The following PPP1CC variants were observed in gnomAD, a reference collection of about 807,000 sequenced individuals.
The protein encoded by PPP1CC is protein phosphatase 1 catalytic subunit gamma.
PPP1CC carries 16 observed loss-of-function variants against 38.4 expected under a neutral mutation model. The observed-to-expected ratio is 0.42, with a 90% confidence interval of 0.28 to 0.63. PPP1CC has a LOEUF of 0.63. Among genes scored for constraint, PPP1CC ranks in the 30% least tolerant of loss-of-function variants. PPP1CC has a pLI of 0.25. For synonymous variants in PPP1CC, 158 were observed against 136.0 expected (o/e 1.16, Z -1.13); for missense variants, 170 against 391.3 (o/e 0.43, Z 4.77).
chr12:110,729,725 T>C (rs995965662), intron 3 of PPP1CC, among the ~76,000 whole-genome samples: 4 of 152,214 alleles, frequency 2.6e-5, no homozygotes, highest in African/African-American at 9.7e-5. Flanking sequence ...CAAGATTCCA[T>C]TTGCATGCAA....
chr12:110,720,602 T>C lies in PPP1CC; in HGVS notation c.*474A>G, dbSNP rs1235985073. 1 of 196,816 alleles carries C rather than the reference T, an allele frequency of 5.1e-6. No individual in the cohort carries two copies. The highest frequency in any genetic ancestry group is 1.4e-4 in the East Asian group (1 of 7,216). 12.2% of individuals were successfully genotyped at this position (196,816 alleles called of 1,614,324 possible). A position where few individuals can be genotyped will look rare whatever the true frequency, so the allele number is the denominator to read the frequency against. ...ACAAGACAATGAGAGGAAAAAGCAA[T>C]CCCTTTGAAACAAAATTCTCAAATA... On this transcript the variant is annotated 3_prime_UTR_variant, in exon 7 of 7. Coordinates refer to ENST00000335007, the MANE Select transcript of PPP1CC (RefSeq NM_002710.4).
chr12:110,725,751 T>C (rs2069791186), intron 3 of PPP1CC: 1 of 152,268 alleles, frequency 6.6e-6, no homozygotes, highest in South Asian at 2.1e-4. Flanking sequence ...CTTACTATAC[T>C]AAGCACAATC....
chr12:110,716,933 C>T (rs776118552), downstream of PPP1CC, among the ~76,000 whole-genome samples: 16 of 152,192 alleles, frequency 1.1e-4, no homozygotes, highest in Non-Finnish European at 2.4e-4. Flanking sequence ...CTATTTGAGT[C>T]GTAGGCTGAA....
rs751415882 is a variant in PPP1CC, at chr12:110,722,749, C to G, written c.524-54G>C. Reference sequence around the variant, plus strand: ...AGAAAGCAGAACTTTTAAAAGGATACTACCCCTTCAAAAGTTCCATTTGTC... The same window carrying G: ...AGAAAGCAGAACTTTTAAAAGGATAGTACCCCTTCAAAAGTTCCATTTGTC... On this transcript the variant is annotated intron_variant, in intron 4 of 6. Coordinates refer to ENST00000335007, the MANE Select transcript of PPP1CC (RefSeq NM_002710.4). This position sits in a 1 kb window ranked among gnomAD's most constrained non-coding sequence, Gnocchi z 5.4. The G allele has an allele frequency of 6.2e-5, 84 of 1,361,602 alleles. 1 individual carries two copies. The highest frequency in any genetic ancestry group is 5.6e-4 in the Middle Eastern group (3 of 5,404). The allele number at this position is 1,361,602 out of a possible 1,614,324, so 84.3% of individuals were successfully genotyped here.
rs11558236 is a variant in PPP1CC, at chr12:110,720,423, A to G, written c.*653T>C. Reference sequence around the variant, plus strand: ...ATTCAACAGAAACTTTGGCTTTAGGAAAGAGTCACAAATATTTAAAAGAAT... The same window carrying G: ...ATTCAACAGAAACTTTGGCTTTAGGGAAGAGTCACAAATATTTAAAAGAAT... On this transcript the variant is annotated 3_prime_UTR_variant, in exon 7 of 7. Transcript: ENST00000335007. The G allele has an allele frequency of 6.9e-4, 329 of 476,778 alleles. No individual in the cohort carries two copies. The highest frequency in any genetic ancestry group is 2.2e-3 in the Middle Eastern group (4 of 1,798). The allele number at this position is 476,778 out of a possible 1,614,324, so 29.5% of individuals were successfully genotyped here. A position where few individuals can be genotyped will look rare whatever the true frequency, so the allele number is the denominator to read the frequency against.
chr12:110,728,639 T>C (rs536711499), intron 3 of PPP1CC, among the ~76,000 whole-genome samples: 8 of 152,326 alleles, frequency 5.3e-5, no homozygotes, highest in African/African-American at 1.9e-4. Flanking sequence ...CACACCTGCC[T>C]TGCATTTCAC....
intron 1 of PPP1CC, among the ~76,000 whole-genome samples, chr12:110,737,046 T>C (rs1347485333): frequency 2.0e-5 from 3 of 152,218 alleles, no homozygotes; most frequent in Non-Finnish European, 2.9e-5. Flanking sequence ...GTGAAATCAA[T>C]AGCCTCATGA....
At chr12:110,739,471 G>A (rs2069987580) in intron 1 of PPP1CC, among the ~76,000 whole-genome samples, 1 of 151,668 alleles carries the variant, frequency 6.6e-6, no homozygotes, top group African/African-American at 2.4e-5. Flanking sequence ...GAATATGAAC[G>A]TTTTATACTG....
In PPP1CC at chr12:110,721,084, T is replaced by C. The variant is rs11558239; in HGVS notation, c.964A>G (p.Lys322Glu). 3 of 1,613,802 alleles carry C rather than the reference T, an allele frequency of 1.9e-6. No individual in the cohort carries two copies. Among genetic ancestry groups the C allele is most frequent in the Non-Finnish European group, 2.5e-6 (3 of 1,179,700 alleles). ...PPRGMITKQA[K>E]K is the part of the protein sequence containing the mutation. Reference sequence around the variant, plus strand: ...CAGTGTCAAAACGACATCTATTTCTTTGCTTGCTTTGTGATCATACCCCTT... The same window carrying C: ...CAGTGTCAAAACGACATCTATTTCTCTGCTTGCTTTGTGATCATACCCCTT... Residue 322 changes from lysine (K) to glutamate (E), a missense_variant, in exon 7 of 7, where the codon AAG becomes GAG. Lys to Glu is a moderately conservative substitution (Grantham distance 56). Transcript: ENST00000335007.
In PPP1CC at chr12:110,720,711, T is replaced by C; in HGVS notation, c.*365A>G. Reference sequence around the variant, plus strand: ...GATTCAGAGCACCCTAGGGCTCTCTTTATGTCCTAAAGAAAATGAGCATTT... The same window carrying C: ...GATTCAGAGCACCCTAGGGCTCTCTCTATGTCCTAAAGAAAATGAGCATTT... On this transcript the variant is annotated 3_prime_UTR_variant, in exon 7 of 7. Coordinates refer to ENST00000335007, the MANE Select transcript of PPP1CC (RefSeq NM_002710.4). 4.9e-6 allele frequency: 1 copy of C among 204,160 alleles called. No individual in the cohort carries two copies. Among genetic ancestry groups the C allele is most frequent in the Non-Finnish European group, 1.0e-5 (1 of 100,128 alleles). The allele number at this position is 204,160 out of a possible 1,614,324, so 12.6% of individuals were successfully genotyped here.
Position 110,740,204 on chromosome 12 carries a change from G to A in PPP1CC, c.55+2449C>T, listed in dbSNP as rs565032804. 1.5e-3 allele frequency among the ~76,000 whole-genome samples: 224 copies of A among 152,116 alleles called. 1 individual carries two copies. The highest frequency in any genetic ancestry group is 5.1e-3 in the African/African-American group (210 of 41,498). ...AATTCTAAACACGTAAAAAAATCTG[G>A]CCAAAGTCACAAGTCATATTCCCTC... is the stretch of plus-strand genomic sequence containing the variant. On this transcript the variant is annotated intron_variant, in intron 1 of 6. Transcript: ENST00000335007.
At chr12:110,724,510 G>C in intron 4 of PPP1CC, 150 bp downstream of exon 4, 1 of 552,618 alleles carries the variant, frequency 1.8e-6, no homozygotes, top group South Asian at 2.4e-5. Flanking sequence ...AATGATCCTG[G>C]CTGTATCAGA....
chr12:110,720,263 T>C lies in PPP1CC; in HGVS notation c.*813A>G. The stretch of plus-strand genomic sequence containing the variant: ...GGAAATTGTATAAAATGTTATTACC[T>C]TTTATCGTTAGTAGCTTAAACAGCA... On this transcript the variant is annotated 3_prime_UTR_variant, in exon 7 of 7. Coordinates refer to ENST00000335007, the MANE Select transcript of PPP1CC (RefSeq NM_002710.4). The C allele has an allele frequency of 7.1e-7, 1 of 1,415,480 alleles. No individual in the cohort carries two copies. Among genetic ancestry groups the C allele is most frequent in the Non-Finnish European group, 9.6e-7 (1 of 1,040,656 alleles). 87.7% of individuals were successfully genotyped at this position (1,415,480 alleles called of 1,614,324 possible). A position where few individuals can be genotyped will look rare whatever the true frequency, so the allele number is the denominator to read the frequency against.
intron 1 of PPP1CC, among the ~76,000 whole-genome samples, chr12:110,740,792 T>A (rs1327262117): frequency 6.6e-6 from 1 of 152,218 alleles, no homozygotes; most frequent in Non-Finnish European, 1.5e-5. Flanking sequence ...TGTTTATGAA[T>A]AGAGGCAGTT....
At chr12:110,719,005 A>G (rs1208193691), downstream of PPP1CC, among the ~76,000 whole-genome samples, 1 of 152,136 alleles carries the variant, frequency 6.6e-6, no homozygotes. Context: ...GCCTGATACC[A>G]CACTCCAATA....
intron 1 of PPP1CC, 112 bp downstream of exon 1, chr12:110,742,541 C>G: frequency 1.1e-6 from 1 of 916,700 alleles, no homozygotes; most frequent in Non-Finnish European, 1.5e-6. Context: ...GAGCTCACTC[C>G]CCACGGTGCT....
chr12:110,734,934 G>A (rs1364845821), intron 1 of PPP1CC: 3 of 140,300 alleles, frequency 2.1e-5, no homozygotes. Flanking sequence ...AGGTTGCAGT[G>A]AGCTGAGATC....
At position 110,730,475 on chromosome 12, in the gene PPP1CC, A is replaced by C. The variant is rs2069859542; in HGVS notation, c.418+54T>G. 3 of 1,317,250 alleles carry C rather than the reference A, an allele frequency of 2.3e-6. No individual in the cohort carries two copies. In the East Asian group the frequency reaches 6.9e-5, roughly 30 times the overall value. 81.6% of individuals were successfully genotyped at this position (1,317,250 alleles called of 1,614,324 possible). A position where few individuals can be genotyped will look rare whatever the true frequency, so the allele number is the denominator to read the frequency against. On this transcript the variant is annotated intron_variant, in intron 3 of 6. Transcript: ENST00000335007. ...TAACAGAAGTATGTGATAATTGTTT[A>C]TGATAAATATCTTAATTTCAATAAC...
intron 1 of PPP1CC, 134 bp from the exon 2 acceptor site, chr12:110,732,035 A>C: frequency 2.3e-6 from 2 of 860,842 alleles, no homozygotes; most frequent in Non-Finnish European, 3.5e-6. Context: ...TATAATAAAC[A>C]TGGTTTTAAT....
Sources: gnomAD v4.1 joint callset for allele counts (sites outside exome capture counted in the v4.1 genomes callset) on GRCh38, gnomAD v4.1.1 for gene constraint, Gnocchi (gnomAD v3.1) non-coding constraint, MANE v1.5 for transcripts, NCBI Gene and HGNC (gene_info 2026-07-23, HGNC 2026-07-21) for gene names.